The following ACAD11 variants were observed in gnomAD, a reference collection of about 807,000 sequenced individuals.
The protein encoded by ACAD11 is acyl-Coenzyme A dehydrogenase family, member 11.
A neutral mutation model predicts 102.2 loss-of-function variants in ACAD11; 83 were observed. That is an observed-to-expected ratio of 0.81 (90% CI 0.68 to 0.97). ACAD11 has a LOEUF of 0.97. Ranked by LOEUF, ACAD11 falls within the 50% of genes least tolerant of loss-of-function variation. The pLI is 0.00. For synonymous variants in ACAD11, 324 were observed against 319.8 expected (o/e 1.01, Z -0.14); for missense variants, 901 against 951.7 (o/e 0.95, Z 0.70).
chr3:132,630,417 C>T lies in ACAD11; in HGVS notation c.963+20G>A, dbSNP rs760167796. 6 of 1,605,620 alleles carry T rather than the reference C, an allele frequency of 3.7e-6. No individual in the cohort carries two copies. Among genetic ancestry groups the T allele is most frequent in the South Asian group, 1.1e-5 (1 of 89,162 alleles). On this transcript the variant is annotated intron_variant, in intron 7 of 19. Coordinates refer to ENST00000264990, the MANE Select transcript of ACAD11 (RefSeq NM_032169.5). Reference sequence around the variant, plus strand: ...CACTGGTAAATAATGGCGAAACACACGTTTAAAACAATTAATTACCTGTGC... The same window carrying T: ...CACTGGTAAATAATGGCGAAACACATGTTTAAAACAATTAATTACCTGTGC...
intron 13 of ACAD11, among the ~76,000 whole-genome samples, chr3:132,602,876 C>G (rs1001392425): frequency 6.6e-6 from 1 of 152,154 alleles, no homozygotes; most frequent in African/African-American, 2.4e-5. Flanking sequence ...CATCTCAGCG[C>G]ATGTCAACTT....
At chr3:132,633,503 G>A (rs1194677904) in intron 5 of ACAD11, among the ~76,000 whole-genome samples, 4 of 152,028 alleles carry the variant, frequency 2.6e-5, no homozygotes, top group Non-Finnish European at 5.9e-5. Context: ...TTTTTGCATC[G>A]ATGTTCATTA....
At chr3:132,572,788 A>G (rs76997362) in intron 17 of ACAD11, among the ~76,000 whole-genome samples, 2 of 152,322 alleles carry the variant, frequency 1.3e-5, no homozygotes, top group East Asian at 3.9e-4. Context: ...AGCAATGGAG[A>G]AAGGACTCCC....
chr3:132,590,542 C>T (rs1264365582), intron 13 of ACAD11, among the ~76,000 whole-genome samples: 4 of 152,194 alleles, frequency 2.6e-5, no homozygotes, highest in African/African-American at 7.2e-5. Context: ...CCACCGTGCC[C>T]GGCCAGTAGT....
chr3:132,591,520 T>C (rs995591129), intron 13 of ACAD11, among the ~76,000 whole-genome samples: 1 of 152,222 alleles, frequency 6.6e-6, no homozygotes, highest in African/African-American at 2.4e-5. Flanking sequence ...TAAAGCCCTC[T>C]TTTTCGAATA....
chr3:132,639,419 G>T lies in ACAD11; in HGVS notation c.702+73C>A, dbSNP rs777204966. 14 of 1,425,002 alleles carry T rather than the reference G, an allele frequency of 9.8e-6. 1 individual carries two copies. The East Asian group carries it at 2.7e-4, about 27-fold the overall frequency. 88.3% of individuals were successfully genotyped at this position (1,425,002 alleles called of 1,614,324 possible). On this transcript the variant is annotated intron_variant, in intron 5 of 19. Coordinates refer to ENST00000264990, the MANE Select transcript of ACAD11 (RefSeq NM_032169.5). ...GTGGGTTGGGCTCCCTCAGTGCTCTGGGGGGAGCATTTACTTAGTACTGTG... is the reference window on the plus strand; with the variant it reads ...GTGGGTTGGGCTCCCTCAGTGCTCTTGGGGGAGCATTTACTTAGTACTGTG...
At chr3:132,613,682 T>C (rs1326483986) in intron 11 of ACAD11, among the ~76,000 whole-genome samples, 1 of 152,048 alleles carries the variant, frequency 6.6e-6, no homozygotes, top group African/African-American at 2.4e-5. Flanking sequence ...ATGGATCACC[T>C]GAGGTCAGGA....
intron 11 of ACAD11, among the ~76,000 whole-genome samples, chr3:132,610,773 C>A (rs1000705748): frequency 2.6e-5 from 4 of 152,134 alleles, no homozygotes; most frequent in Non-Finnish European, 5.9e-5. Context: ...GATGGATTCA[C>A]AGCTGAATTC....
chr3:132,613,372 A>G lies in ACAD11; in HGVS notation c.1414+5262T>C, dbSNP rs1392852912. 2.6e-5 allele frequency among the ~76,000 whole-genome samples: 4 copies of G among 151,484 alleles called. 1 individual carries two copies. The highest frequency in any genetic ancestry group is 9.7e-5 in the African/African-American group (4 of 41,072). On this transcript the variant is annotated intron_variant, in intron 11 of 19. Transcript: ENST00000264990. The stretch of plus-strand genomic sequence containing the variant: ...AGACATGTACCCTAAAACTTTAAGT[A>G]TAATAATAATAAAAATAACTAAATA...
At chr3:132,579,441 G>T in intron 14 of ACAD11, 51 bp downstream of exon 14, 2 of 1,440,930 alleles carry the variant, frequency 1.4e-6, no homozygotes, top group African/African-American at 1.4e-5. Flanking sequence ...TAGATAGGAG[G>T]AAGACTGGCT....
intron 17 of ACAD11, among the ~76,000 whole-genome samples, chr3:132,571,795 A>G (rs1455313589): frequency 6.6e-6 from 1 of 152,206 alleles, no homozygotes; most frequent in Non-Finnish European, 1.5e-5. Context: ...CATAGAACTA[A>G]AGACAAAAAC....
intron 12 of ACAD11, among the ~76,000 whole-genome samples, chr3:132,603,758 G>A (rs1297568455): frequency 6.6e-6 from 1 of 152,190 alleles, no homozygotes; most frequent in African/African-American, 2.4e-5. Context: ...CATCAGGAAT[G>A]CCTTCACTGA....
At chr3:132,642,648 C>T in intron 3 of ACAD11, 29 bp downstream of exon 3, 1 of 1,561,180 alleles carries the variant, frequency 6.4e-7, no homozygotes, top group Non-Finnish European at 8.6e-7. Context: ...AAAGTAAAAG[C>T]AACAAAATAA....
chr3:132,579,021 A>T, intron 14 of ACAD11, 140 bp from the exon 15 acceptor site: 1 of 1,521,684 alleles, frequency 6.6e-7, no homozygotes, highest in Non-Finnish European at 8.8e-7. Context: ...ACTGTGTAAA[A>T]GACGTACACC....
chr3:132,593,157 T>A (rs1002224537), intron 13 of ACAD11, among the ~76,000 whole-genome samples: 4 of 151,882 alleles, frequency 2.6e-5, no homozygotes, highest in Admixed American at 2.0e-4. Context: ...CAGACAAAGA[T>A]CAATTGGTTT....
chr3:132,586,208 G>A (rs1004640780), intron 13 of ACAD11, among the ~76,000 whole-genome samples: 28 of 152,250 alleles, frequency 1.8e-4, no homozygotes, highest in African/African-American at 6.5e-4. Context: ...GGATGAAGCT[G>A]GAAACCATCA....
intron 5 of ACAD11, among the ~76,000 whole-genome samples, chr3:132,633,698 C>G (rs937622194): frequency 2.6e-5 from 4 of 152,042 alleles, no homozygotes; most frequent in African/African-American, 9.7e-5. Flanking sequence ...GGTACTGGTA[C>G]TAAAACAGAG....
intron 15 of ACAD11, among the ~76,000 whole-genome samples, chr3:132,578,369 C>T (rs1156897157): frequency 6.6e-6 from 1 of 152,080 alleles, no homozygotes; most frequent in Non-Finnish European, 1.5e-5. Flanking sequence ...AAATTTTGCA[C>T]TCAAATAAGT....
chr3:132,640,680 G>C (rs1447681390), intron 4 of ACAD11, among the ~76,000 whole-genome samples: 1 of 152,070 alleles, frequency 6.6e-6, no homozygotes, highest in Non-Finnish European at 1.5e-5. Context: ...TGTATTACTT[G>C]ATTGATGCAA....
Sources: allele counts gnomAD v4.1 joint callset (sites outside exome capture counted in the v4.1 genomes callset), GRCh38; gene constraint gnomAD v4.1.1; transcripts MANE v1.5; gene names NCBI Gene and HGNC (gene_info 2026-07-23, HGNC 2026-07-21).